The following SLC39A11 variants were observed in gnomAD, a reference collection of about 807,000 sequenced individuals.
SLC39A11 encodes the protein solute carrier family 39 member 11.
A neutral mutation model predicts 36.1 loss-of-function variants in SLC39A11; 33 were observed. The observed-to-expected ratio is 0.91, with a 90% confidence interval of 0.69 to 1.22. The LOEUF (loss-of-function observed/expected upper bound fraction) is 1.22. Ranked by LOEUF, SLC39A11 falls within the 50% of genes most tolerant of loss-of-function variation. The pLI is 0.00. For synonymous variants in SLC39A11, 166 were observed against 170.3 expected (o/e 0.97, Z 0.20); for missense variants, 432 against 430.3 (o/e 1.00, Z -0.03).
chr17:72,718,972 C>T (rs2073530350), intron 7 of SLC39A11, among the ~76,000 whole-genome samples: 1 of 152,030 alleles, frequency 6.6e-6, no homozygotes, highest in Non-Finnish European at 1.5e-5. Context: ...GGTTCAGTGG[C>T]TCACGCCTGC....
At chr17:72,705,166 T>C (rs1598399494) in intron 7 of SLC39A11, among the ~76,000 whole-genome samples, 2 of 152,346 alleles carry the variant, frequency 1.3e-5, no homozygotes, top group South Asian at 2.1e-4. Context: ...ATTGTGTTTC[T>C]GTGTCTTGCA....
At chr17:72,908,125 C>A (rs548384214) in intron 5 of SLC39A11, among the ~76,000 whole-genome samples, 1 of 152,196 alleles carries the variant, frequency 6.6e-6, no homozygotes, top group Non-Finnish European at 1.5e-5. Context: ...TATGTTCTGG[C>A]ATCCAGGGCC....
At chr17:72,900,838 A>G (rs1248890448) in intron 5 of SLC39A11, among the ~76,000 whole-genome samples, 1 of 152,200 alleles carries the variant, frequency 6.6e-6, no homozygotes, top group Non-Finnish European at 1.5e-5. Context: ...AAACAGCAGC[A>G]ATTACAGAGT....
intron 4 of SLC39A11, among the ~76,000 whole-genome samples, chr17:72,975,714 G>A (rs2087793603): frequency 6.6e-6 from 1 of 152,206 alleles, no homozygotes; most frequent in South Asian, 2.1e-4. Flanking sequence ...CAGTTCAGCT[G>A]CTGTAACAAA....
At chr17:73,014,395 T>C (rs181678301) in intron 4 of SLC39A11, among the ~76,000 whole-genome samples, 1 of 152,328 alleles carries the variant, frequency 6.6e-6, no homozygotes, top group Non-Finnish European at 1.5e-5. Context: ...CAGTGCCTCA[T>C]GCCTGTAATC....
chr17:72,819,248 G>A (rs1204441028), intron 6 of SLC39A11, among the ~76,000 whole-genome samples: 1 of 151,098 alleles, frequency 6.6e-6, no homozygotes, highest in Non-Finnish European at 1.5e-5. Flanking sequence ...GCACAGAATC[G>A]GACATACATA....
intron 3 of SLC39A11, among the ~76,000 whole-genome samples, chr17:73,071,960 T>G (rs758302118): frequency 6.6e-6 from 1 of 152,128 alleles, no homozygotes. Flanking sequence ...TCTCAATAAA[T>G]GCTAAACAAA....
intron 5 of SLC39A11, among the ~76,000 whole-genome samples, chr17:72,882,859 CG>C (rs1567879112): frequency 7.1e-6 from 1 of 140,368 alleles, no homozygotes; most frequent in Non-Finnish European, 1.5e-5. Context: ...TGCAATGGCG[CG>C]ATCTCAGCTC....
chr17:72,968,801 G>A (rs947484439), intron 4 of SLC39A11, among the ~76,000 whole-genome samples: 2 of 152,206 alleles, frequency 1.3e-5, no homozygotes, highest in African/African-American at 2.4e-5. Context: ...ACACACGTGC[G>A]GACGACACAA....
At chr17:72,714,271 G>A (rs560996962) in intron 7 of SLC39A11, among the ~76,000 whole-genome samples, 4 of 152,194 alleles carry the variant, frequency 2.6e-5, no homozygotes, top group South Asian at 4.2e-4. Context: ...CGGGAGGATC[G>A]CTTGAACCTG....
intron 3 of SLC39A11, among the ~76,000 whole-genome samples, chr17:73,034,478 T>C (rs1202998530): frequency 6.6e-6 from 1 of 152,204 alleles, no homozygotes; most frequent in Non-Finnish European, 1.5e-5. Flanking sequence ...TACCTTGGCC[T>C]CCCAAAGTGC....
chr17:73,042,814 T>G (rs1322961322), intron 3 of SLC39A11, among the ~76,000 whole-genome samples: 2 of 152,022 alleles, frequency 1.3e-5, no homozygotes, highest in Non-Finnish European at 2.9e-5. Context: ...AAATGAATAA[T>G]AATAATAAGA....
At chr17:72,786,599 A>C (rs2076523846) in intron 6 of SLC39A11, among the ~76,000 whole-genome samples, 1 of 152,148 alleles carries the variant, frequency 6.6e-6, no homozygotes, top group Non-Finnish European at 1.5e-5. Flanking sequence ...TTCAGGACTG[A>C]AGGACACTCA....
intron 7 of SLC39A11, among the ~76,000 whole-genome samples, chr17:72,675,057 C>A (rs189943927): frequency 1.3e-5 from 2 of 152,170 alleles, no homozygotes; most frequent in East Asian, 3.9e-4. Flanking sequence ...TCTGAGAGAA[C>A]AACTGCCCCC....
intron 6 of SLC39A11, chr17:72,821,505 C>CA (rs2077779097): frequency 3.0e-5 from 1 of 33,776 alleles, no homozygotes; most frequent in African/African-American, 1.2e-4. Flanking sequence ...GACTCTGTCA[C>CA]GAAAAAAAAA....
At chr17:72,992,065 G>T (rs1400883821) in intron 4 of SLC39A11, among the ~76,000 whole-genome samples, 1 of 151,914 alleles carries the variant, frequency 6.6e-6, no homozygotes, top group Non-Finnish European at 1.5e-5. Context: ...AATTTAAATC[G>T]CAGAGGCCAG....
intron 6 of SLC39A11, among the ~76,000 whole-genome samples, chr17:72,817,392 C>T (rs946952341): frequency 1.6e-4 from 24 of 152,052 alleles, no homozygotes; most frequent in Non-Finnish European, 2.8e-4. Flanking sequence ...AAGGTCTTTT[C>T]AACAACCAAT....
At chr17:72,782,593 G>C (rs2076354688) in intron 6 of SLC39A11, among the ~76,000 whole-genome samples, 1 of 151,128 alleles carries the variant, frequency 6.6e-6, no homozygotes, top group Non-Finnish European at 1.5e-5. Flanking sequence ...GGAGGCTGAG[G>C]CTGGAGAACT....
intron 4 of SLC39A11, among the ~76,000 whole-genome samples, chr17:73,004,163 AAAAGAAAGAAAGAAAGAAAG>A (rs1268703786): frequency 2.7e-4 from 27 of 100,312 alleles, no homozygotes; most frequent in East Asian, 3.3e-4. Flanking sequence ...AAGAAGGAAA[AAAAGAAAGAAAGAAAGAAAG>A]AAAGAAAGAA....
Sources: allele counts gnomAD v4.1 joint callset (sites outside exome capture counted in the v4.1 genomes callset), GRCh38; gene constraint gnomAD v4.1.1; transcripts MANE v1.5; gene names NCBI Gene and HGNC (gene_info 2026-07-23, HGNC 2026-07-21).